Variants in ADAM33 observed in about 807,000 individuals in gnomAD.
ADAM33 encodes ADAM metallopeptidase domain 33.
In ADAM33, 103 loss-of-function variants were observed where a neutral mutation model predicts 106.2. The ratio of observed to expected loss-of-function variants is 0.97; its 90% confidence interval spans 0.83 to 1.14. ADAM33 has a LOEUF of 1.14. ADAM33 is among the 50% of genes most tolerant of loss of function. ADAM33 has a pLI of 0.00. For synonymous variants in ADAM33, 483 were observed against 453.0 expected, an observed-to-expected ratio of 1.07 and a Z score of -0.84; for missense variants, 1,120 against 1,096.6, an observed-to-expected ratio of 1.02 and a Z score of -0.30.
At chr20:3,669,231 T>TGAGGGGTGG in intron 21 of ADAM33, 68 bp downstream of exon 21, 1 of 1,285,830 alleles carries the variant, frequency 7.8e-7, no homozygotes, top group Non-Finnish European at 1.0e-6. Context: ...GGCAGCAAAC[T>TGAGGGGTGG]GAGGGGTGGG....
rs614971 is a variant in ADAM33 at position 3,668,203 on chromosome 20, G to C, written c.*760C>G. The C allele has an allele frequency of 0.38, 58,083 of 152,348 alleles. 11,372 individuals carry two copies. Among genetic ancestry groups the C allele is most frequent in the African/African-American group, 0.47 (19,515 of 41,434 alleles). The allele number at this position is 152,348 out of a possible 1,614,324, so 9.4% of individuals were successfully genotyped here. On this transcript the variant is annotated 3_prime_UTR_variant, in exon 22 of 22. Coordinates refer to ENST00000356518, the MANE Select transcript of ADAM33 (RefSeq NM_025220.5). The stretch of plus-strand genomic sequence containing the variant: ...GTGTTGCCCAGGCTGGTGTGGACCT[G>C]CTGGCCTCTGGTGATCCTCCTACCC...
intron 2 of ADAM33, among the ~76,000 whole-genome samples, chr20:3,678,499 G>A (rs531930270): frequency 2.6e-5 from 4 of 152,308 alleles, no homozygotes; most frequent in African/African-American, 7.2e-5. Context: ...GGCCAGTGCC[G>A]TGCTTGACCA....
rs2087702900 is a variant in ADAM33 at position 3,673,485 on chromosome 20, C to T, written c.1002G>A (p.Glu334=). ...TGGTGGCTGCGGCGCCGATGGGGAG[C>T]TCCGAGTGGTCCTGGGGGGCCGTGG... is the stretch of plus-strand genomic sequence containing the variant. ...SSGGVSTDHS[E]LPIGAAATMA... Residue 334 remains glutamate, a synonymous_variant, in exon 11 of 22, where the codon GAG becomes GAA. Coordinates refer to ENST00000356518, the MANE Select transcript of ADAM33 (RefSeq NM_025220.5). 1.3e-6 allele frequency: 2 copies of T among 1,529,250 alleles called. No individual in the cohort carries two copies. The highest frequency in any genetic ancestry group is 4.7e-5 in the East Asian group (2 of 42,772). The allele number at this position is 1,529,250 out of a possible 1,614,324, so 94.7% of individuals were successfully genotyped here. A position where few individuals can be genotyped will look rare whatever the true frequency, so the allele number is the denominator to read the frequency against.
rs1482980867 is a variant in ADAM33 at position 3,671,165 on chromosome 20, G to A, written c.2093-12C>T. 6.2e-7 allele frequency: 1 copy of A among 1,613,160 alleles called. No individual in the cohort carries two copies. The highest frequency in any genetic ancestry group is 8.5e-7 in the Non-Finnish European group (1 of 1,179,640). Reference sequence around the variant, plus strand: ...GAAGGTGTCATGGTCTGCGGGGATTGGGGGAAGGGGCGCTGAGTCCTGAGC... The same window carrying A: ...GAAGGTGTCATGGTCTGCGGGGATTAGGGGAAGGGGCGCTGAGTCCTGAGC... On this transcript the variant is annotated splice_polypyrimidine_tract_variant and intron_variant, in intron 18 of 21. Coordinates refer to ENST00000356518, the MANE Select transcript of ADAM33 (RefSeq NM_025220.5).
rs1485962888 is a variant in ADAM33, at chr20:3,677,155, AAT to A, written c.178-14_178-13del. ...TCTGGCTTCGAGACCTGGGCAAGAA[AAT>A]GTGTGGAGCTGAGATGGTGGCCTCC... is the stretch of plus-strand genomic sequence containing the variant. On this transcript the variant is annotated splice_polypyrimidine_tract_variant and intron_variant, in intron 2 of 21. Coordinates refer to ENST00000356518, the MANE Select transcript of ADAM33 (RefSeq NM_025220.5). The A allele has an allele frequency of 1.2e-6, 2 of 1,600,266 alleles. No individual in the cohort carries two copies. The highest frequency in any genetic ancestry group is 1.7e-5 in the Admixed American group (1 of 58,692).
Position 3,671,231 on chromosome 20 carries a change from G to T in ADAM33, c.2092+6C>A. The T allele has an allele frequency of 6.2e-7, 1 of 1,613,494 alleles. No homozygotes were observed. Among genetic ancestry groups the T allele is most frequent in the Non-Finnish European group, 8.5e-7 (1 of 1,179,636 alleles). ...GCTCCTGCCCACATGCCCCCCACTGGCATACTTTCAGCCTGCACAGGGCCA... is the reference window on the plus strand; with the variant it reads ...GCTCCTGCCCACATGCCCCCCACTGTCATACTTTCAGCCTGCACAGGGCCA... On this transcript the variant is annotated splice_donor_region_variant and intron_variant, in intron 18 of 21. Transcript: ENST00000356518.
At position 3,670,986 on chromosome 20, in the gene ADAM33, A is replaced by T. The variant is rs1166438648; in HGVS notation, c.2240+20T>A. ...GGGAACCGCAGGAGTAGGCTCAGGA[A>T]GCAGGCGCTCGGAGCCTACCCACTG... On this transcript the variant is annotated intron_variant, in intron 19 of 21. Coordinates refer to ENST00000356518, the MANE Select transcript of ADAM33 (RefSeq NM_025220.5). 4.6e-6 allele frequency: 7 copies of T among 1,534,220 alleles called. No homozygotes were observed. Among genetic ancestry groups the T allele is most frequent in the Non-Finnish European group, 6.1e-6 (7 of 1,139,118 alleles).
intron 2 of ADAM33, among the ~76,000 whole-genome samples, chr20:3,678,749 C>T (rs769074290): frequency 4.6e-5 from 7 of 152,210 alleles, no homozygotes; most frequent in Non-Finnish European, 7.3e-5. Context: ...GCCTAAAGAG[C>T]TGTGTGACCA....
intron 1 of ADAM33, among the ~76,000 whole-genome samples, 179 bp from the exon 2 acceptor site, chr20:3,679,750 T>A (rs1275011367): frequency 6.6e-6 from 1 of 152,024 alleles, no homozygotes; most frequent in East Asian, 1.9e-4. Flanking sequence ...GTGGGCATCC[T>A]TGGATCTGAG....
chr20:3,673,987 C>T (rs1439071507), intron 8 of ADAM33, 76 bp from the exon 9 acceptor site: 7 of 1,605,494 alleles, frequency 4.4e-6, no homozygotes, highest in Non-Finnish European at 5.9e-6. Flanking sequence ...CGCCCTTCCT[C>T]TTCCCCAAAC....
chr20:3,670,801 G>A (rs2146363107), intron 19 of ADAM33, among the ~76,000 whole-genome samples: 1 of 152,330 alleles, frequency 6.6e-6, no homozygotes. Flanking sequence ...TGCGGTGCTG[G>A]TGGTGGGGCA....
chr20:3,681,164 C>A (rs1030520887), intron 1 of ADAM33, among the ~76,000 whole-genome samples: 1 of 152,190 alleles, frequency 6.6e-6, no homozygotes, highest in African/African-American at 2.4e-5. Context: ...CTCCCTGTTC[C>A]CGGCCAGGCA....
intron 2 of ADAM33, among the ~76,000 whole-genome samples, chr20:3,678,207 T>C (rs2088144905): frequency 6.6e-6 from 1 of 152,266 alleles, no homozygotes; most frequent in African/African-American, 2.4e-5. Flanking sequence ...ATCTTTACTC[T>C]TGCCCTCCTG....
At position 3,669,583 on chromosome 20, in the gene ADAM33, C is replaced by A. The variant is rs749905403; in HGVS notation, c.2295G>T (p.Glu765Asp). 1.2e-6 allele frequency: 2 copies of A among 1,602,666 alleles called. No individual in the cohort carries two copies. Among genetic ancestry groups the A allele is most frequent in the Non-Finnish European group, 1.7e-6 (2 of 1,175,644 alleles). Reference protein sequence around the residue: ...DHPLGGVHPMELGPTATGQPW... With the variant: ...DHPLGGVHPMDLGPTATGQPW... ...GCTGTCCAGTGGCTGTGGGGCCCAA[C>A]TCCATGGGGTGAACGCCGCCCAGGG... The change falls in exon 20 of 22, where the codon GAG (glutamate) becomes GAT (aspartate). Residue 765 changes from glutamate (E) to aspartate (D), a missense_variant. Glu to Asp is a conservative substitution (Grantham distance 45). Coordinates refer to ENST00000356518, the MANE Select transcript of ADAM33 (RefSeq NM_025220.5).
chr20:3,675,002 C>T lies in ADAM33; in HGVS notation c.333+25G>A. 6.2e-7 allele frequency: 1 copy of T among 1,613,226 alleles called. No individual in the cohort carries two copies. The highest frequency in any genetic ancestry group is 1.1e-5 in the South Asian group (1 of 90,756). On this transcript the variant is annotated intron_variant, in intron 4 of 21. Coordinates refer to ENST00000356518, the MANE Select transcript of ADAM33 (RefSeq NM_025220.5). The surrounding 1 kb of genome is among the most constrained non-coding windows in gnomAD (Gnocchi z 4.1). ...TGGGGGGGTACCTCTGGCGGTGCAT[C>T]CCAGAGCCCATGGAAGCATCTCACC...
At chr20:3,674,955 G>A in intron 4 of ADAM33, 72 bp downstream of exon 4, 1 of 1,610,276 alleles carries the variant, frequency 6.2e-7, no homozygotes, top group Non-Finnish European at 8.5e-7. Context: ...AGGAATGCAA[G>A]GAGGAGTAGG....
Position 3,668,698 on chromosome 20 carries a change from G to A in ADAM33, c.*265C>T, listed in dbSNP as rs1393431823. 3 of 509,978 alleles carry A rather than the reference G, an allele frequency of 5.9e-6. No homozygotes were observed. Among genetic ancestry groups the A allele is most frequent in the African/African-American group, 1.9e-5 (1 of 51,550 alleles). 31.6% of individuals were successfully genotyped at this position (509,978 alleles called of 1,614,324 possible). On this transcript the variant is annotated 3_prime_UTR_variant, in exon 22 of 22. Transcript: ENST00000356518. The stretch of plus-strand genomic sequence containing the variant: ...CCTCCACTGGTGAGGGAGGTCAGGG[G>A]CTGTGTGACCTTTGCTTCTGGGACT...
chr20:3,669,826 C>T (rs2087412975), intron 19 of ADAM33, 189 bp from the exon 20 acceptor site: 3 of 692,240 alleles, frequency 4.3e-6, no homozygotes, highest in East Asian at 2.7e-5. Flanking sequence ...GATCCAGGCT[C>T]CAAGTGAGCC....
chr20:3,680,512 C>A (rs1016771016), intron 1 of ADAM33, among the ~76,000 whole-genome samples: 2 of 152,184 alleles, frequency 1.3e-5, no homozygotes, highest in Non-Finnish European at 2.9e-5. Context: ...ACATCAAAGA[C>A]CCTTCCTCCA....
Sources: allele counts gnomAD v4.1 joint callset (sites outside exome capture counted in the v4.1 genomes callset), GRCh38; gene constraint gnomAD v4.1.1; non-coding constraint Gnocchi (gnomAD v3.1); transcripts MANE v1.5; gene names NCBI Gene and HGNC (gene_info 2026-07-23, HGNC 2026-07-21).